CDH2: variants seen among roughly 807,000 people sequenced by gnomAD.
CDH2 encodes cadherin-2.
Under a neutral mutation model 92.0 loss-of-function variants are expected in CDH2, and 17 were observed. That is an observed-to-expected ratio of 0.18 (90% CI 0.13 to 0.28). The LOEUF is 0.28. Ranked by LOEUF, CDH2 falls within the 10% of genes least tolerant of loss-of-function variation. CDH2 has a pLI of 1.00. For synonymous variants in CDH2, 419 were observed against 415.9 expected (o/e 1.01, Z -0.09); for missense variants, 862 against 1,133.1 (o/e 0.76, Z 3.44).
At chr18:28,163,729 C>T (rs1167059782) in intron 1 of CDH2, among the ~76,000 whole-genome samples, 1 of 152,106 alleles carries the variant, frequency 6.6e-6, no homozygotes, top group African/African-American at 2.4e-5. Context: ...ATAAACATAA[C>T]GCTGAGTAGA....
intron 1 of CDH2, among the ~76,000 whole-genome samples, chr18:28,165,198 T>C (rs2016360290): frequency 6.6e-6 from 1 of 152,238 alleles, no homozygotes; most frequent in Non-Finnish European, 1.5e-5. Flanking sequence ...ATTACTATTA[T>C]TAGAGACACA....
At chr18:28,153,579 TAAG>T (rs745938105) in intron 1 of CDH2, among the ~76,000 whole-genome samples, 6 of 152,078 alleles carry the variant, frequency 3.9e-5, no homozygotes, top group South Asian at 2.1e-4. Flanking sequence ...CCTGGGCTCT[TAAG>T]AAGAGCAGAG....
intron 1 of CDH2, among the ~76,000 whole-genome samples, chr18:28,175,022 C>A (rs1200638738): frequency 1.3e-5 from 2 of 152,178 alleles, no homozygotes; most frequent in African/African-American, 4.8e-5. Flanking sequence ...CATTTAACTT[C>A]AAATACTTTA....
intron 2 of CDH2, among the ~76,000 whole-genome samples, chr18:28,084,678 T>C (rs768422702): frequency 1.4e-4 from 21 of 152,092 alleles, no homozygotes; most frequent in Non-Finnish European, 2.2e-4. Context: ...TTTCTTCCAC[T>C]TTGACCTGTT....
chr18:28,121,692 C>CA (rs35956277), intron 2 of CDH2, among the ~76,000 whole-genome samples: 32,453 of 151,384 alleles, frequency 0.21, 4,172 homozygotes, highest in Non-Finnish European at 0.3. Context: ...TTAGGGTTAC[C>CA]AAAAAAAACA....
At chr18:28,118,579 A>C (rs2015534268) in intron 2 of CDH2, among the ~76,000 whole-genome samples, 1 of 150,922 alleles carries the variant, frequency 6.6e-6, no homozygotes, top group African/African-American at 2.4e-5. Flanking sequence ...GTCTGTTTTT[A>C]AATTTAGTTC....
At chr18:28,155,961 G>T (rs1437223959) in intron 1 of CDH2, among the ~76,000 whole-genome samples, 1 of 152,172 alleles carries the variant, frequency 6.6e-6, no homozygotes, top group African/African-American at 2.4e-5. Context: ...AAAACGTGCA[G>T]AAGTTTAACC....
chr18:28,022,359 C>T (rs2013435154), intron 2 of CDH2, among the ~76,000 whole-genome samples: 1 of 151,968 alleles, frequency 6.6e-6, no homozygotes, highest in Non-Finnish European at 1.5e-5. Flanking sequence ...AAAACAAATA[C>T]AGAGTATTAG....
At chr18:28,109,127 T>C (rs2144249998) in intron 2 of CDH2, among the ~76,000 whole-genome samples, 1 of 152,256 alleles carries the variant, frequency 6.6e-6, no homozygotes, top group East Asian at 1.9e-4. Context: ...AAACTCCTAT[T>C]ACTGGAGCTA....
intron 2 of CDH2, among the ~76,000 whole-genome samples, chr18:28,046,379 G>A (rs774941278): frequency 2.0e-5 from 3 of 152,098 alleles, no homozygotes; most frequent in Admixed American, 6.6e-5. Context: ...CATTAAAACA[G>A]AGAATTATTT....
chr18:27,944,183 C>T (rs941404562), intron 6 of CDH2, among the ~76,000 whole-genome samples: 10 of 152,044 alleles, frequency 6.6e-5, no homozygotes, highest in Admixed American at 5.9e-4. Flanking sequence ...AAGCAGCAAA[C>T]TCTAAAATTT....
At chr18:27,947,719 G>A (rs553735407), downstream of CDH2, among the ~76,000 whole-genome samples, 1 of 79,256 alleles carries the variant, frequency 1.3e-5, no homozygotes, top group East Asian at 2.5e-4. Flanking sequence ...TGTGATATAA[G>A]TATGTGATGT....
chr18:27,955,980 T>C (rs1185635632), intron 15 of CDH2, among the ~76,000 whole-genome samples: 1 of 152,110 alleles, frequency 6.6e-6, no homozygotes, highest in African/African-American at 2.4e-5. Flanking sequence ...TATCTGAGAA[T>C]AAAATATGAC....
chr18:28,145,257 C>G (rs573315408), intron 2 of CDH2, among the ~76,000 whole-genome samples: 1 of 151,990 alleles, frequency 6.6e-6, no homozygotes. Context: ...TTAGGAGTTA[C>G]GATTCCAACA....
intron 2 of CDH2, chr18:28,036,688 C>G (rs1244056075): frequency 1.5e-6 from 1 of 649,946 alleles, no homozygotes. Context: ...GAATACTGAC[C>G]GTCAGCAAAA....
At chr18:28,176,172 C>G (rs1255747708) in intron 1 of CDH2, among the ~76,000 whole-genome samples, 2 of 152,296 alleles carry the variant, frequency 1.3e-5, no homozygotes, top group Middle Eastern at 3.4e-3. Context: ...ATGAAAAGTA[C>G]GGAAGGCTCC....
At chr18:28,058,703 T>C (rs534787577) in intron 2 of CDH2, among the ~76,000 whole-genome samples, 2 of 152,296 alleles carry the variant, frequency 1.3e-5, no homozygotes, top group African/African-American at 2.4e-5. Flanking sequence ...CTTAGTATAC[T>C]TAGTGTTAAT....
At chr18:28,140,895 GATATATATATATATACCT>G (rs2015942121) in intron 2 of CDH2, among the ~76,000 whole-genome samples, 1 of 144,948 alleles carries the variant, frequency 6.9e-6, no homozygotes, top group Non-Finnish European at 1.5e-5. Flanking sequence ...CTCCAAACAA[GATATATATATATATACCT>G]ATATATATAT....
intron 2 of CDH2, among the ~76,000 whole-genome samples, chr18:28,039,214 T>A (rs556456441): frequency 1.2e-4 from 19 of 152,226 alleles, no homozygotes; most frequent in African/African-American, 4.3e-4. Context: ...ACTGCTTAGC[T>A]CCTTGCATGA....
Sources: gnomAD v4.1 joint callset for allele counts (sites outside exome capture counted in the v4.1 genomes callset) on GRCh38, gnomAD v4.1.1 for gene constraint, MANE v1.5 for transcripts, NCBI Gene and HGNC (gene_info 2026-07-23, HGNC 2026-07-21) for gene names.